The following SMTNL1 variants were observed in gnomAD, a reference collection of about 807,000 sequenced individuals.
SMTNL1 encodes smoothelin-like protein 1.
Under a neutral mutation model 46.6 loss-of-function variants are expected in SMTNL1, and 41 were observed. The ratio of observed to expected loss-of-function variants is 0.88; its 90% CI spans 0.69 to 1.14. The LOEUF is 1.14. Among genes scored for constraint, SMTNL1 ranks in the 50% most tolerant of loss-of-function variants. SMTNL1 has a pLI of 0.00. For synonymous variants in SMTNL1, 234 were observed against 234.2 expected (o/e 1.00, Z 0.01); for missense variants, 591 against 626.1 (o/e 0.94, Z 0.60).
At chr11:57,540,864 C>T (rs1340579403) in intron 1 of SMTNL1, among the ~76,000 whole-genome samples, 1 of 152,174 alleles carries the variant, frequency 6.6e-6, no homozygotes, top group Non-Finnish European at 1.5e-5. Context: ...GCGTCTGCCA[C>T]CACACCCAGC....
At chr11:57,545,270 G>C (rs898120735) in intron 4 of SMTNL1, among the ~76,000 whole-genome samples, 2 of 152,108 alleles carry the variant, frequency 1.3e-5, no homozygotes, top group African/African-American at 2.4e-5. Context: ...GGAAGCTAAG[G>C]CTCAAACAAT....
At chr11:57,544,556 A>G (rs998037595) in intron 4 of SMTNL1, among the ~76,000 whole-genome samples, 9 of 152,178 alleles carry the variant, frequency 5.9e-5, no homozygotes, top group African/African-American at 2.2e-4. Flanking sequence ...AAAAAGCATG[A>G]TCAGAAAGCC....
chr11:57,545,773 C>T, intron 4 of SMTNL1, 108 bp from the exon 5 acceptor site: 2 of 1,091,700 alleles, frequency 1.8e-6, no homozygotes, highest in Admixed American at 2.4e-5. Context: ...GCTGCACACA[C>T]CCCCTTAGAC....
At position 57,543,282 on chromosome 11, in the gene SMTNL1, G is replaced by A; in HGVS notation, c.640G>A (p.Glu214Lys). 6.2e-7 allele frequency: 1 copy of A among 1,613,962 alleles called. No individual in the cohort carries two copies. The highest frequency in any genetic ancestry group is 1.1e-5 in the South Asian group (1 of 91,074). Residue 214 changes from glutamate (E) to lysine (K), a missense_variant, in exon 2 of 8, where the codon GAA (glutamate) becomes AAA (lysine). Glu to Lys is a moderately conservative substitution (Grantham distance 56, BLOSUM62 1). Transcript: ENST00000527972. The part of the protein sequence containing the change: ...KAVVEDEAKA[E>K]PKEPDGKEEA... Reference sequence around the variant, plus strand: ...TGTTGTGGAGGATGAGGCTAAGGCTGAACCCAAGGAGCCCGATGGGAAAGA... The same window carrying A: ...TGTTGTGGAGGATGAGGCTAAGGCTAAACCCAAGGAGCCCGATGGGAAAGA...
At chr11:57,540,975 C>G (rs749342960) in intron 1 of SMTNL1, among the ~76,000 whole-genome samples, 1 of 152,202 alleles carries the variant, frequency 6.6e-6, no homozygotes, top group Non-Finnish European at 1.5e-5. Context: ...TCCCAAAGTG[C>G]TGGGATTACA....
In SMTNL1 at chr11:57,546,296, T is replaced by C. The variant is rs768570982; in HGVS notation, c.1137T>C (p.Gly379=). ...AGGCAGCCGGGGCAGCCATTGGTGGTGTCAAGAACATGCTCTTGGAGTGGT... is the reference window on the plus strand; with the variant it reads ...AGGCAGCCGGGGCAGCCATTGGTGGCGTCAAGAACATGCTCTTGGAGTGGT... The part of the protein sequence containing the change: ...NTKAAGAAIG[G]VKNMLLEWCR... The change falls in exon 6 of 8, where the codon GGT becomes GGC. Residue 379 remains glycine, a synonymous_variant. Transcript: ENST00000527972. 6.2e-7 allele frequency: 1 copy of C among 1,611,516 alleles called. No individual in the cohort carries two copies. The highest frequency in any genetic ancestry group is 1.3e-5 in the African/African-American group (1 of 74,870).
At chr11:57,543,449 C>A in intron 2 of SMTNL1, 75 bp downstream of exon 2, 1 of 1,553,554 alleles carries the variant, frequency 6.4e-7, no homozygotes, top group East Asian at 2.3e-5. Context: ...CTGCTTCAGT[C>A]AGTTGGGAAA....
In SMTNL1 at chr11:57,546,009, G is replaced by A. The variant is rs1028539365; in HGVS notation, c.1046G>A (p.Arg349His). Residue 349 changes from arginine to histidine, a missense_variant, in exon 5 of 8, where the codon CGC (arginine) becomes CAC (histidine). Coordinates refer to ENST00000527972, the MANE Select transcript of SMTNL1 (RefSeq NM_001105565.3). ...ARPRGPRAQN[R>H]KAIVDKFGGA... ...CCCCGGGGGCCCCGGGCACAGAACC[G>A]CAAAGCCATCGTGGACAAGTTTGGC... is the stretch of plus-strand genomic sequence containing the variant. 11 of 1,596,944 alleles carry A rather than the reference G, an allele frequency of 6.9e-6. No individual in the cohort carries two copies. Among genetic ancestry groups the A allele is most frequent in the Middle Eastern group, 1.7e-4 (1 of 5,952 alleles).
rs996972718 is a variant in SMTNL1, at chr11:57,546,228, C to T, written c.1074-5C>T. 1.3e-6 allele frequency: 2 copies of T among 1,590,588 alleles called. No individual in the cohort carries two copies. Among genetic ancestry groups the T allele is most frequent in the Non-Finnish European group, 1.7e-6 (2 of 1,168,762 alleles). ...GCTTGGCCTTGCACCCCTCTCCCCT[C>T]ACAGGGCAGCTTCCGGCCCCACGGC... On this transcript the variant is annotated splice_region_variant and splice_polypyrimidine_tract_variant and intron_variant, in intron 5 of 7. Transcript: ENST00000527972.
chr11:57,543,411 G>C (rs757138462), intron 2 of SMTNL1, 37 bp downstream of exon 2: 1 of 1,590,932 alleles, frequency 6.3e-7, no homozygotes, highest in African/African-American at 1.3e-5. Context: ...AGGCTCTGTC[G>C]TCTCCTGCTT....
At chr11:57,544,009 A>G in intron 4 of SMTNL1, 89 bp downstream of exon 4, 9 of 1,313,364 alleles carry the variant, frequency 6.9e-6, no homozygotes, top group Non-Finnish European at 7.5e-6. Flanking sequence ...GGGTTCCCCC[A>G]GCACCTGATT....
At chr11:57,547,377 G>GGGCTTT in intron 7 of SMTNL1, among the ~76,000 whole-genome samples, 1 of 152,330 alleles carries the variant, frequency 6.6e-6, no homozygotes, top group South Asian at 2.1e-4. Flanking sequence ...TCAGGCAGCT[G>GGGCTTT]AAAGCCCAGG....
intron 1 of SMTNL1, chr11:57,541,490 G>T: frequency 7.3e-7 from 1 of 1,367,186 alleles, no homozygotes; most frequent in Non-Finnish European, 9.8e-7. Context: ...GAGTTAAGAT[G>T]TCATAATCTA....
intron 7 of SMTNL1, 121 bp downstream of exon 7, chr11:57,546,773 G>A (rs1944926896): frequency 7.9e-7 from 1 of 1,273,284 alleles, no homozygotes; most frequent in Non-Finnish European, 1.1e-6. Context: ...GTATCCAACA[G>A]ACATTTTTTG....
intron 3 of SMTNL1, 50 bp downstream of exon 3, chr11:57,543,806 A>T: frequency 6.4e-7 from 1 of 1,556,828 alleles, no homozygotes; most frequent in Admixed American, 1.9e-5. Context: ...CACCTGGGGG[A>T]GGGGCGCAAG....
chr11:57,548,579 A>T (rs1256056102), intron 7 of SMTNL1, among the ~76,000 whole-genome samples: 1 of 152,210 alleles, frequency 6.6e-6, no homozygotes, highest in East Asian at 1.9e-4. Flanking sequence ...CTGAGGCAGG[A>T]GAATCACTTG....
chr11:57,542,444 C>T (rs1408500662), intron 1 of SMTNL1, among the ~76,000 whole-genome samples, 197 bp from the exon 2 acceptor site: 1 of 152,222 alleles, frequency 6.6e-6, no homozygotes, highest in Non-Finnish European at 1.5e-5. Flanking sequence ...CACCATCCAA[C>T]GTCATGTCAA....
Position 57,538,480 on chromosome 11 carries a change from C to A in SMTNL1, c.-3+838C>A, listed in dbSNP as rs1487877577. ...AGAGAATAAGAAAGGAAGGTGGGGGCAGAGAAACTTTCATGAAGGGCCTAC... is the reference window on the plus strand; with the variant it reads ...AGAGAATAAGAAAGGAAGGTGGGGGAAGAGAAACTTTCATGAAGGGCCTAC... On this transcript the variant is annotated intron_variant, in intron 1 of 7. Coordinates refer to ENST00000527972, the MANE Select transcript of SMTNL1 (RefSeq NM_001105565.3). Among the ~76,000 whole-genome samples the A allele has an allele frequency of 2.0e-5, 3 of 152,282 alleles. No individual in the cohort carries two copies. In the East Asian group the frequency reaches 5.8e-4, roughly 29 times the overall value.
intron 1 of SMTNL1, among the ~76,000 whole-genome samples, chr11:57,542,136 AC>A (rs1358843697): frequency 2.0e-5 from 3 of 150,120 alleles, no homozygotes; most frequent in East Asian, 1.9e-4. Context: ...ACACACACAC[AC>A]ACACACAAAA....
Sources: gnomAD v4.1 joint callset for allele counts (sites outside exome capture counted in the v4.1 genomes callset) on GRCh38, gnomAD v4.1.1 for gene constraint, MANE v1.5 for transcripts, NCBI Gene and HGNC (gene_info 2026-07-23, HGNC 2026-07-21) for gene names.